MYO3A: variants seen among roughly 807,000 people sequenced by gnomAD.
MYO3A encodes the protein myosin IIIA.
In MYO3A, 180 loss-of-function variants were observed where a neutral mutation model predicts 192.7. The ratio of observed to expected loss-of-function variants is 0.93; its 90% CI spans 0.83 to 1.06. The LOEUF is 1.06. Among genes scored for constraint, MYO3A ranks in the 50% least tolerant of loss-of-function variants. The pLI is 0.00. For synonymous variants in MYO3A, 628 were observed against 645.3 expected (o/e 0.97, Z 0.41); for missense variants, 1,896 against 1,905.0 (o/e 1.00, Z 0.09).
At chr10:26,143,299 C>G (rs929501389) in intron 20 of MYO3A, 149 bp from the exon 21 acceptor site, 1 of 766,476 alleles carries the variant, frequency 1.3e-6, no homozygotes, top group African/African-American at 1.7e-5. Context: ...CCAATATACT[C>G]CAGCCTGGAC....
chr10:26,023,600 C>T, intron 8 of MYO3A: 2 of 214,708 alleles, frequency 9.3e-6, no homozygotes, highest in South Asian at 1.6e-4. Context: ...CTGTGCGACT[C>T]CCTGGCACAC....
chr10:26,158,423 T>G (rs1038233827), intron 26 of MYO3A, among the ~76,000 whole-genome samples: 3 of 151,802 alleles, frequency 2.0e-5, no homozygotes, highest in African/African-American at 7.3e-5. Flanking sequence ...CAGCTAATTT[T>G]TTTTGTATTT....
At chr10:25,981,440 T>C (rs955752291) in intron 4 of MYO3A, among the ~76,000 whole-genome samples, 1 of 152,212 alleles carries the variant, frequency 6.6e-6, no homozygotes, top group Non-Finnish European at 1.5e-5. Context: ...TTTATGAATT[T>C]GTTTTAAATG....
intron 4 of MYO3A, among the ~76,000 whole-genome samples, chr10:25,988,942 T>TC (rs1022475129): frequency 4.1e-5 from 6 of 145,086 alleles, no homozygotes; most frequent in African/African-American, 1.6e-4. Context: ...TAAAACTCTT[T>TC]TTTTTTTTTT....
chr10:25,989,955 G>A (rs535430233), intron 4 of MYO3A, among the ~76,000 whole-genome samples: 15 of 152,262 alleles, frequency 9.9e-5, no homozygotes, highest in African/African-American at 3.6e-4. Context: ...AAGGATTGGA[G>A]GATCAAGGAT....
intron 17 of MYO3A, among the ~76,000 whole-genome samples, chr10:26,114,523 A>G (rs1159857088): frequency 2.0e-5 from 3 of 152,224 alleles, no homozygotes; most frequent in Admixed American, 1.3e-4. Flanking sequence ...TTGTTCTCAT[A>G]AACTCTAACC....
At chr10:26,092,287 A>G (rs1161964810) in intron 15 of MYO3A, among the ~76,000 whole-genome samples, 1 of 152,144 alleles carries the variant, frequency 6.6e-6, no homozygotes, top group Non-Finnish European at 1.5e-5. Flanking sequence ...CTACACGGTG[A>G]AACCCCATCT....
chr10:26,145,432 G>A lies in MYO3A; in HGVS notation c.2417-14G>A. On this transcript the variant is annotated splice_polypyrimidine_tract_variant and intron_variant, in intron 21 of 34. Transcript: ENST00000642920. ...CATACATGCTTGATATTTGAGTTCA[G>A]TATTTTTCTACAGAAAAATTTGAAG... 5.2e-6 allele frequency: 8 copies of A among 1,524,334 alleles called. No homozygotes were observed. Among genetic ancestry groups the A allele is most frequent in the Non-Finnish European group, 7.3e-6 (8 of 1,098,632 alleles). The allele number at this position is 1,524,334 out of a possible 1,614,324, so 94.4% of individuals were successfully genotyped here. A position where few individuals can be genotyped will look rare whatever the true frequency, so the allele number is the denominator to read the frequency against.
At chr10:26,139,068 G>A (rs1402604691) in intron 20 of MYO3A, among the ~76,000 whole-genome samples, 1 of 152,070 alleles carries the variant, frequency 6.6e-6, no homozygotes, top group Non-Finnish European at 1.5e-5. Context: ...TTATTATGTG[G>A]TTTCAAAACA....
intron 30 of MYO3A, among the ~76,000 whole-genome samples, chr10:26,175,420 C>T (rs1447963304): frequency 6.6e-6 from 1 of 152,126 alleles, no homozygotes; most frequent in East Asian, 1.9e-4. Flanking sequence ...CTCTAAAATA[C>T]ATGAATTTCC....
Position 26,159,411 on chromosome 10 carries a change from G to A in MYO3A, c.2999+1896G>A, listed in dbSNP as rs1271444516. 2.1e-5 allele frequency among the ~76,000 whole-genome samples: 3 copies of A among 146,206 alleles called. No homozygotes were observed. The Admixed American group carries it at 2.1e-4, about 10-fold the overall frequency. ...GTCTCGCTCTGTCACCCAGGCTGGA[G>A]TGCAGTGGCGCAATCTTGGCTCACT... On this transcript the variant is annotated intron_variant, in intron 26 of 34. Coordinates refer to ENST00000642920, the MANE Select transcript of MYO3A (RefSeq NM_017433.5).
At chr10:25,968,484 G>A (rs964694412) in intron 4 of MYO3A, among the ~76,000 whole-genome samples, 12 of 152,076 alleles carry the variant, frequency 7.9e-5, no homozygotes, top group African/African-American at 2.2e-4. Flanking sequence ...CACCATCAGT[G>A]GTAAATATAG....
rs3758444 is a variant in MYO3A, at chr10:26,069,943, T to C, written c.1171-168T>C. Among the ~76,000 whole-genome samples the C allele has an allele frequency of 0.47, 72,114 of 151,860 alleles. 17,924 individuals are homozygous for C. Among genetic ancestry groups the C allele is most frequent in the Middle Eastern group, 0.59 (173 of 294 alleles). ...CTCTTATTTTACATAGTTATACATT[T>C]AGATATATGTGCAATATGTGTGTAA... is the stretch of plus-strand genomic sequence containing the variant. On this transcript the variant is annotated intron_variant, in intron 12 of 34. Transcript: ENST00000642920.
At chr10:26,134,953 T>C (rs1839762154) in intron 20 of MYO3A, among the ~76,000 whole-genome samples, 1 of 152,234 alleles carries the variant, frequency 6.6e-6, no homozygotes, top group Non-Finnish European at 1.5e-5. Context: ...GTAGCTTCTT[T>C]CCTGTTGCAA....
intron 31 of MYO3A, among the ~76,000 whole-genome samples, chr10:26,183,537 TA>T (rs1037650993): frequency 1.4e-5 from 2 of 148,138 alleles, no homozygotes; most frequent in Admixed American, 6.8e-5. Flanking sequence ...AAAATAATAA[TA>T]AAAAATAAAA....
At chr10:26,200,758 A>G (rs1843642048) in intron 32 of MYO3A, 2 of 152,274 alleles carry the variant, frequency 1.3e-5, no homozygotes, top group African/African-American at 4.8e-5. Context: ...TGCTACATTT[A>G]TGTCATAAAT....
At chr10:26,193,632 G>A (rs1179632139) in intron 32 of MYO3A, among the ~76,000 whole-genome samples, 1 of 152,220 alleles carries the variant, frequency 6.6e-6, no homozygotes, top group East Asian at 1.9e-4. Flanking sequence ...GCTCTCCAGA[G>A]AGGGGCCCTG....
rs1564644096 is a variant in MYO3A, at chr10:26,203,014, C to T, written c.4637C>T (p.Pro1546Leu). The T allele has an allele frequency of 6.2e-7, 1 of 1,613,584 alleles. No homozygotes were observed. The highest frequency in any genetic ancestry group is 8.5e-7 in the Non-Finnish European group (1 of 1,179,772). ...GATTTCTATTATAAGGAATTTTTGC[C>T]CAGTCGTTCTGGACCAAAGGAACAT... ...LEDFYYKEFL[P>L]SRSGPKEHSP... The change falls in exon 34 of 35, where the codon CCC becomes CTC. Residue 1546 changes from proline to leucine, a missense_variant. Transcript: ENST00000642920.
intron 15 of MYO3A, among the ~76,000 whole-genome samples, chr10:26,096,068 T>C (rs981072618): frequency 1.3e-5 from 2 of 152,218 alleles, no homozygotes; most frequent in African/African-American, 2.4e-5. Context: ...CACTGGCATG[T>C]AAACTCCAAG....
Sources: gnomAD v4.1 joint callset for allele counts (sites outside exome capture counted in the v4.1 genomes callset) on GRCh38, gnomAD v4.1.1 for gene constraint, MANE v1.5 for transcripts, NCBI Gene and HGNC (gene_info 2026-07-23, HGNC 2026-07-21) for gene names.